Variants in ARHGEF6 observed in about 807,000 individuals in gnomAD.
ARHGEF6 encodes rho guanine nucleotide exchange factor 6.
A neutral mutation model predicts 70.3 loss-of-function variants in ARHGEF6; 9 were observed. The ratio of observed to expected loss-of-function variants is 0.13; its 90% confidence interval spans 0.08 to 0.22. ARHGEF6 has a LOEUF of 0.22. ARHGEF6 is among the 10% of genes least tolerant of loss of function. The pLI, the probability that ARHGEF6 is intolerant of heterozygous loss-of-function variation, is 1.00. For synonymous variants in ARHGEF6, 201 were observed against 207.8 expected, an observed-to-expected ratio of 0.97 and a Z score of 0.28; for missense variants, 470 against 563.0, an observed-to-expected ratio of 0.83 and a Z score of 1.67.
chrX:136,738,717 C>T (rs747096385), intron 5 of ARHGEF6, among the ~76,000 whole-genome samples: 19 of 112,791 alleles, frequency 1.7e-4, no homozygotes, highest in Non-Finnish European at 3.0e-4. Context: ...AGAGATCAAC[C>T]TTTGTGGGCT....
chrX:136,678,029 C>G (rs2076297549), intron 16 of ARHGEF6, 73 bp from the exon 17 acceptor site: 1 of 916,849 alleles, frequency 1.1e-6, no homozygotes, highest in Non-Finnish European at 1.6e-6. Flanking sequence ...ATCCACTTAT[C>G]AATAATTCTA....
intron 2 of ARHGEF6, chrX:136,767,412 G>A (rs2077327456): frequency 1.3e-6 from 1 of 754,219 alleles, no homozygotes; most frequent in African/African-American, 2.3e-5. Context: ...CGCGGGCGAG[G>A]AGGGGGCGCC....
At chrX:136,767,178 C>A in intron 2 of ARHGEF6, 2 of 755,581 alleles carry the variant, frequency 2.6e-6, no homozygotes, top group Non-Finnish European at 1.6e-6. Flanking sequence ...CCTCCAGCTG[C>A]TCCCTCACTC....
chrX:136,747,389 A>G, intron 3 of ARHGEF6, 119 bp downstream of exon 3: 1 of 619,818 alleles, frequency 1.6e-6, no homozygotes, highest in Non-Finnish European at 2.7e-6. Context: ...TATTTGGGGG[A>G]GCAAGGGGAA....
intron 2 of ARHGEF6, among the ~76,000 whole-genome samples, chrX:136,753,824 C>G (rs921980566): frequency 7.1e-5 from 8 of 111,998 alleles, no homozygotes; most frequent in Non-Finnish European, 1.1e-4. Flanking sequence ...TTCAAAATGT[C>G]ATTTTTAAAT....
At chrX:136,668,533 C>CTTCTTCTTATTA (rs61661248) in intron 21 of ARHGEF6, among the ~76,000 whole-genome samples, 2 of 98,461 alleles carry the variant, frequency 2.0e-5, no homozygotes, top group African/African-American at 7.6e-5. Context: ...TCTTCTTCTT[C>CTTCTTCTTATTA]TTATTATTAT....
chrX:136,688,744 T>C (rs182340921), intron 10 of ARHGEF6, among the ~76,000 whole-genome samples: 1 of 112,544 alleles, frequency 8.9e-6, no homozygotes, highest in African/African-American at 3.2e-5. Flanking sequence ...TCCATTTTCT[T>C]TCAGCAGTGT....
At chrX:136,713,887 G>GGCAAATGTGA (rs2076711866) in intron 6 of ARHGEF6, among the ~76,000 whole-genome samples, 1 of 112,112 alleles carries the variant, frequency 8.9e-6, no homozygotes, top group Non-Finnish European at 1.9e-5. Context: ...GGAGAAAATT[G>GGCAAATGTGA]AGGCCAGCTA....
chrX:136,685,569 T>C, intron 12 of ARHGEF6, 108 bp downstream of exon 12: 1 of 940,297 alleles, frequency 1.1e-6, no homozygotes, highest in Non-Finnish European at 1.5e-6. Flanking sequence ...ATGGCACCAC[T>C]GCACTCCAGC....
chrX:136,760,849 A>C (rs2077258029), intron 2 of ARHGEF6, among the ~76,000 whole-genome samples: 1 of 112,232 alleles, frequency 8.9e-6, no homozygotes, highest in Non-Finnish European at 1.9e-5. Flanking sequence ...TTAAAATTTC[A>C]AGCTATTTTA....
At chrX:136,729,467 CAAAAAA>C (rs749398050) in intron 6 of ARHGEF6, among the ~76,000 whole-genome samples, 2 of 12,410 alleles carry the variant, frequency 1.6e-4, no homozygotes, top group East Asian at 2.4e-3. Context: ...GACTCCATCT[CAAAAAA>C]AAAAAAAAAA....
At chrX:136,727,325 T>TTCTCTTTCTTTC (rs1556284733) in intron 6 of ARHGEF6, among the ~76,000 whole-genome samples, 8 of 61,113 alleles carry the variant, frequency 1.3e-4, no homozygotes, top group Admixed American at 1.8e-4. Context: ...CTTTCTTTCT[T>TTCTCTTTCTTTC]TTTCTTTCTT....
intron 2 of ARHGEF6, among the ~76,000 whole-genome samples, chrX:136,772,435 G>A (rs776216118): frequency 1.8e-5 from 2 of 112,510 alleles, no homozygotes; most frequent in African/African-American, 6.5e-5. Flanking sequence ...ATAAATGCTT[G>A]AGGGTATGGA....
intron 8 of ARHGEF6, among the ~76,000 whole-genome samples, chrX:136,707,937 TCTAG>T (rs1391796877): frequency 8.9e-6 from 1 of 111,992 alleles, no homozygotes; most frequent in East Asian, 2.8e-4. Flanking sequence ...ATCTGGACAA[TCTAG>T]CTAGCCATCA....
intron 6 of ARHGEF6, among the ~76,000 whole-genome samples, chrX:136,731,653 G>T (rs1000382286): frequency 1.8e-5 from 2 of 112,088 alleles, no homozygotes; most frequent in African/African-American, 6.5e-5. Flanking sequence ...TTCCTTTTGG[G>T]CTCTCTTTAA....
chrX:136,766,051 G>T (rs1242111979), intron 2 of ARHGEF6, among the ~76,000 whole-genome samples: 1 of 112,551 alleles, frequency 8.9e-6, no homozygotes, highest in African/African-American at 3.2e-5. Context: ...ATGTAAGAAG[G>T]GACTGCAGCA....
At chrX:136,685,397 C>T (rs1398324357) in intron 12 of ARHGEF6, among the ~76,000 whole-genome samples, 2 of 111,123 alleles carry the variant, frequency 1.8e-5, no homozygotes, top group East Asian at 5.6e-4. Flanking sequence ...TCCTATCTCC[C>T]ACAGCACCTA....
chrX:136,677,964 G>T lies in ARHGEF6; in HGVS notation c.1831-8C>A. The T allele has an allele frequency of 8.3e-7, 1 of 1,202,026 alleles. No homozygotes were observed. Among genetic ancestry groups the T allele is most frequent in the Non-Finnish European group, 1.1e-6 (1 of 886,925 alleles). On this transcript the variant is annotated splice_polypyrimidine_tract_variant and splice_region_variant and intron_variant, in intron 16 of 21. Coordinates refer to ENST00000250617, the MANE Select transcript of ARHGEF6 (RefSeq NM_004840.3). ...TAAGATATAAGACATCCTCTAAAAT[G>T]AATATGTAAAGAAAGAGAAGATGAG...
intron 2 of ARHGEF6, among the ~76,000 whole-genome samples, chrX:136,758,031 CTTTTTTTTTTTTTTTTTT>C (rs1164537601): frequency 2.6e-3 from 36 of 14,027 alleles, no homozygotes; most frequent in Middle Eastern, 0.14. Flanking sequence ...AAAATAAATT[CTTTTTTTTTTTTTTTTTT>C]TTTTTTTTTT....
Sources: allele counts gnomAD v4.1 joint callset (sites outside exome capture counted in the v4.1 genomes callset), GRCh38; gene constraint gnomAD v4.1.1; transcripts MANE v1.5; gene names NCBI Gene and HGNC (gene_info 2026-07-23, HGNC 2026-07-21).